Variants in RAPH1 observed in about 807,000 individuals in gnomAD.
RAPH1 encodes Ras association (RalGDS/AF-6) and pleckstrin homology domains 1, also known as ras-associated and pleckstrin homology domains-containing protein 1.
A neutral mutation model predicts 88.1 loss-of-function variants in RAPH1; 18 were observed. The observed-to-expected ratio is 0.20, with a 90% CI of 0.14 to 0.30. The LOEUF is 0.30. RAPH1 is among the 10% of genes least tolerant of loss of function. The probability of loss-of-function intolerance (pLI) is 1.00; values close to 1 mark genes in which losing one functional copy is unlikely to be tolerated. For synonymous variants in RAPH1, 587 were observed against 559.0 expected (o/e 1.05, Z -0.71); for missense variants, 1,448 against 1,543.2 (o/e 0.94, Z 1.03).
Position 203,441,251 on chromosome 2 carries a change from G to T in RAPH1, c.1939C>A (p.Pro647Thr). The T allele has an allele frequency of 7.2e-7, 1 of 1,396,974 alleles. No homozygotes were observed. The highest frequency in any genetic ancestry group is 9.8e-7 in the Non-Finnish European group (1 of 1,015,988). The allele number at this position is 1,396,974 out of a possible 1,614,324, so 86.5% of individuals were successfully genotyped here. A position where few individuals can be genotyped will look rare whatever the true frequency, so the allele number is the denominator to read the frequency against. The change falls in exon 14 of 14, where the codon CCC becomes ACC. Residue 647 changes from proline to threonine, a missense_variant. Around this residue, in one of 2 missense-constraint regions of RAPH1, gnomAD observed 935 missense variants for 890.1 expected, o/e 1.05. Transcript: ENST00000319170. ...PPPPPPPPPPPPLPSQSAPSA... is the reference protein window; with the variant it reads ...PPPPPPPPPPTPLPSQSAPSA... ...GGTGCAGACTGGCTGGGGAGTGGGG[G>T]AGGAGGGGGTGGTGGAGGGGGTGGT... is the stretch of plus-strand genomic sequence containing the variant.
intron 9 of RAPH1, 63 bp from the exon 10 acceptor site, chr2:203,454,603 G>A (rs2098517735): frequency 1.7e-6 from 2 of 1,204,628 alleles, no homozygotes; most frequent in African/African-American, 3.0e-5. Context: ...AATATACCTG[G>A]TTAACATTTT....
At chr2:203,442,125 G>C in intron 13 of RAPH1, 3 of 1,550,362 alleles carry the variant, frequency 1.9e-6, no homozygotes, top group Non-Finnish European at 2.6e-6. Context: ...TATAGCAAAA[G>C]ACTGTAAAAA....
intron 4 of RAPH1, among the ~76,000 whole-genome samples, chr2:203,473,385 T>C (rs1239566393): frequency 2.0e-5 from 3 of 152,110 alleles, no homozygotes; most frequent in Non-Finnish European, 2.9e-5. Flanking sequence ...GTGAAACTGG[T>C]TACTGGAAGG....
rs573444908 is a variant in RAPH1 at position 203,435,871 on chromosome 2, A to G, written c.*3566T>C. 2.0e-5 allele frequency: 3 copies of G among 152,352 alleles called. No homozygotes were observed. The East Asian group carries it at 5.8e-4, about 29-fold the overall frequency. The allele number at this position is 152,352 out of a possible 1,614,324, so 9.4% of individuals were successfully genotyped here. On this transcript the variant is annotated 3_prime_UTR_variant, in exon 14 of 14. Transcript: ENST00000319170. ...GGTGGCTGAGAGTCAAAGCAGGCCA[A>G]TCCACACCATTACCTGAAATATTTT... is the stretch of plus-strand genomic sequence containing the variant.
intron 4 of RAPH1, among the ~76,000 whole-genome samples, chr2:203,463,083 C>T (rs532745554): frequency 1.3e-5 from 2 of 151,480 alleles, no homozygotes; most frequent in African/African-American, 4.8e-5. Context: ...GTGCCTGTAA[C>T]CCCAGCTACT....
chr2:203,441,991 A>G, intron 13 of RAPH1: 1 of 1,529,166 alleles, frequency 6.5e-7, no homozygotes, highest in Non-Finnish European at 8.7e-7. Flanking sequence ...CTTGACACAC[A>G]CACTCGTGTT....
At chr2:203,463,327 CAT>C (rs1408848050) in intron 4 of RAPH1, among the ~76,000 whole-genome samples, 2 of 152,064 alleles carry the variant, frequency 1.3e-5, no homozygotes, top group Admixed American at 6.6e-5. Context: ...AACCACAATC[CAT>C]ATGTTATTCA....
chr2:203,474,634 T>C (rs1401223231), intron 4 of RAPH1, among the ~76,000 whole-genome samples: 4 of 152,100 alleles, frequency 2.6e-5, no homozygotes, highest in Non-Finnish European at 5.9e-5. Context: ...GAAGTAAGAG[T>C]TGCCAGTACC....
intron 1 of RAPH1, among the ~76,000 whole-genome samples, chr2:203,499,427 A>C (rs10432517): frequency 0.11 from 16,003 of 151,916 alleles, 923 homozygotes; most frequent in Admixed American, 0.13. Flanking sequence ...ACAGCAACAA[A>C]AAAAAAAAAA....
chr2:203,512,433 C>T (rs1359254974), intron 1 of RAPH1, among the ~76,000 whole-genome samples: 1 of 151,566 alleles, frequency 6.6e-6, no homozygotes, highest in African/African-American at 2.4e-5. Flanking sequence ...CATTTTATTC[C>T]ACCAGGAGTA....
chr2:203,475,416 G>T (rs1477355258), intron 4 of RAPH1, among the ~76,000 whole-genome samples: 1 of 151,220 alleles, frequency 6.6e-6, no homozygotes, highest in African/African-American at 2.4e-5. Flanking sequence ...CAAAAAAAAA[G>T]AAATAAAATA....
At chr2:203,514,686 C>T (rs1248557227) in intron 1 of RAPH1, among the ~76,000 whole-genome samples, 2 of 151,972 alleles carry the variant, frequency 1.3e-5, no homozygotes, top group African/African-American at 4.8e-5. Context: ...TCCCGAGTAG[C>T]TGGAATTACA....
intron 1 of RAPH1, among the ~76,000 whole-genome samples, chr2:203,498,617 C>T (rs1206925316): frequency 6.6e-6 from 1 of 152,076 alleles, no homozygotes; most frequent in African/African-American, 2.4e-5. Flanking sequence ...AGGGCTTCCA[C>T]ATTAGATATC....
intron 4 of RAPH1, among the ~76,000 whole-genome samples, chr2:203,478,238 G>A (rs1451783235): frequency 6.6e-6 from 1 of 151,934 alleles, no homozygotes; most frequent in African/African-American, 2.4e-5. Context: ...GTTTCACAGT[G>A]TTAGCTAGGA....
At chr2:203,528,380 A>T (rs1690221362) in intron 1 of RAPH1, among the ~76,000 whole-genome samples, 1 of 152,222 alleles carries the variant, frequency 6.6e-6, no homozygotes, top group South Asian at 2.1e-4. Context: ...CATTTATTAA[A>T]ACTTTATAAA....
chr2:203,451,426 A>G (rs771673220), intron 10 of RAPH1, among the ~76,000 whole-genome samples: 19 of 152,190 alleles, frequency 1.2e-4, no homozygotes, highest in Non-Finnish European at 2.1e-4. Context: ...ATCTCATCCC[A>G]GAGTGCATGC....
intron 1 of RAPH1, among the ~76,000 whole-genome samples, chr2:203,512,584 T>C (rs13002933): frequency 6.6e-6 from 1 of 151,674 alleles, no homozygotes; most frequent in Non-Finnish European, 1.5e-5. Flanking sequence ...AATGAGTTTG[T>C]TGGGTATTTA....
At chr2:203,475,809 T>C (rs1559471949) in intron 4 of RAPH1, among the ~76,000 whole-genome samples, 1 of 151,526 alleles carries the variant, frequency 6.6e-6, no homozygotes. Context: ...TTCTTGATTA[T>C]AGGTAGGTGT....
chr2:203,485,966 T>C (rs922465267), intron 4 of RAPH1, among the ~76,000 whole-genome samples: 1 of 151,986 alleles, frequency 6.6e-6, no homozygotes, highest in African/African-American at 2.4e-5. Context: ...ACCATCCTCA[T>C]GTTCCAACCC....
Sources: allele counts gnomAD v4.1 joint callset (sites outside exome capture counted in the v4.1 genomes callset), GRCh38; gene constraint gnomAD v4.1.1; regional missense constraint gnomAD v4.1.1; transcripts MANE v1.5; gene names NCBI Gene and HGNC (gene_info 2026-07-23, HGNC 2026-07-21).